ZFHX4: variants seen among roughly 807,000 people sequenced by gnomAD.
The protein encoded by ZFHX4 is zinc finger homeobox 4.
A neutral mutation model predicts 267.6 loss-of-function variants in ZFHX4; 56 were observed. The observed-to-expected ratio is 0.21, with a 90% confidence interval of 0.17 to 0.26. ZFHX4 has a LOEUF of 0.26. ZFHX4 is among the 10% of genes least tolerant of loss of function. The probability of loss-of-function intolerance (pLI) is 1.00; values close to 1 mark genes in which losing one functional copy is unlikely to be tolerated. For synonymous variants in ZFHX4, 1,778 were observed against 1,665.6 expected, an observed-to-expected ratio of 1.07 and a Z score of -1.64; for missense variants, 4,332 against 4,420.0, an observed-to-expected ratio of 0.98 and a Z score of 0.56.
At chr8:76,721,328 A>G (rs919975927) in intron 3 of ZFHX4, among the ~76,000 whole-genome samples, 1 of 152,176 alleles carries the variant, frequency 6.6e-6, no homozygotes, top group African/African-American at 2.4e-5. Flanking sequence ...AAATTGGTAC[A>G]TTTATGACAG....
intron 4 of ZFHX4, among the ~76,000 whole-genome samples, chr8:76,803,813 C>T (rs549380179): frequency 6.6e-6 from 1 of 152,048 alleles, no homozygotes; most frequent in South Asian, 2.1e-4. Flanking sequence ...AAATTAAAAC[C>T]CATTTTGACA....
intron 4 of ZFHX4, among the ~76,000 whole-genome samples, chr8:76,816,148 C>A (rs1202297648): frequency 7.2e-5 from 11 of 152,184 alleles, no homozygotes; most frequent in East Asian, 1.9e-4. Flanking sequence ...AAAGCTAATT[C>A]ATGGTGCAAC....
intron 3 of ZFHX4, among the ~76,000 whole-genome samples, chr8:76,743,520 G>A (rs936964315): frequency 1.3e-5 from 2 of 152,142 alleles, no homozygotes; most frequent in African/African-American, 4.8e-5. Context: ...GTTTTATGAG[G>A]AAACCTTAAA....
chr8:76,840,240 C>G (rs1215860177), intron 5 of ZFHX4, among the ~76,000 whole-genome samples: 2 of 152,090 alleles, frequency 1.3e-5, no homozygotes, highest in Non-Finnish European at 2.9e-5. Flanking sequence ...CAGGCAAATC[C>G]ACCTCTAAAG....
chr8:76,689,395 A>G (rs1380184994), intron 1 of ZFHX4, among the ~76,000 whole-genome samples: 2 of 152,166 alleles, frequency 1.3e-5, no homozygotes, highest in Non-Finnish European at 2.9e-5. Context: ...GTATTCTGAT[A>G]TCAAGATTTT....
chr8:76,708,085 G>A (rs771654855), intron 3 of ZFHX4, 37 bp downstream of exon 3: 12 of 1,608,006 alleles, frequency 7.5e-6, no homozygotes, highest in Non-Finnish European at 1.0e-5. Context: ...GCACAGAGTA[G>A]AAAAGGGAAT....
At chr8:76,803,034 C>T (rs1454273975) in intron 4 of ZFHX4, among the ~76,000 whole-genome samples, 3 of 152,070 alleles carry the variant, frequency 2.0e-5, no homozygotes, top group East Asian at 3.9e-4. Flanking sequence ...GCTCTGAGAC[C>T]GAAAAGTGTG....
chr8:76,847,243 A>AT (rs1812386825), intron 6 of ZFHX4, among the ~76,000 whole-genome samples: 1 of 152,142 alleles, frequency 6.6e-6, no homozygotes, highest in South Asian at 2.1e-4. Context: ...AGAAACATAT[A>AT]TTTTTTGATT....
chr8:76,829,943 G>A (rs1021809739), intron 4 of ZFHX4, among the ~76,000 whole-genome samples: 3 of 152,056 alleles, frequency 2.0e-5, no homozygotes, highest in Admixed American at 2.0e-4. Context: ...AAAAATGAAC[G>A]CTAGAAATAA....
intron 4 of ZFHX4, among the ~76,000 whole-genome samples, chr8:76,798,506 G>A (rs975891257): frequency 2.6e-5 from 4 of 152,138 alleles, no homozygotes; most frequent in Non-Finnish European, 2.9e-5. Flanking sequence ...AATAGCTTGT[G>A]GATAGAATAT....
At chr8:76,819,857 T>C (rs1811603046) in intron 4 of ZFHX4, among the ~76,000 whole-genome samples, 1 of 152,214 alleles carries the variant, frequency 6.6e-6, no homozygotes, top group African/African-American at 2.4e-5. Flanking sequence ...TTTCAACCCT[T>C]GCAAGCAACT....
At chr8:76,713,401 AGAT>A (rs1334291226) in intron 3 of ZFHX4, among the ~76,000 whole-genome samples, 1 of 152,224 alleles carries the variant, frequency 6.6e-6, no homozygotes, top group Non-Finnish European at 1.5e-5. Flanking sequence ...ATGTCAGGAT[AGAT>A]AGAATGATTT....
intron 4 of ZFHX4, among the ~76,000 whole-genome samples, chr8:76,806,806 C>T (rs1021555602): frequency 1.3e-5 from 2 of 151,856 alleles, no homozygotes; most frequent in Non-Finnish European, 2.9e-5. Flanking sequence ...TTATTTCGGT[C>T]CTTGCAAGCC....
At chr8:76,815,336 C>T (rs1483409359) in intron 4 of ZFHX4, among the ~76,000 whole-genome samples, 2 of 152,116 alleles carry the variant, frequency 1.3e-5, no homozygotes, top group African/African-American at 4.8e-5. Flanking sequence ...AGCTTATAAA[C>T]AACAGGTGTT....
chr8:76,777,694 C>G (rs546619200), intron 3 of ZFHX4, among the ~76,000 whole-genome samples: 1 of 152,156 alleles, frequency 6.6e-6, no homozygotes, highest in South Asian at 2.1e-4. Context: ...TTAATTAAAC[C>G]TGAGACCATT....
Position 76,856,198 on chromosome 8 carries a change from A to T in ZFHX4, c.9277A>T (p.Ser3093Cys). 1 of 1,613,984 alleles carries T rather than the reference A, an allele frequency of 6.2e-7. No homozygotes were observed. The highest frequency in any genetic ancestry group is 2.2e-5 in the East Asian group (1 of 44,862). The change falls in exon 10 of 11, where the codon AGC becomes TGC. Residue 3093 changes from serine (S) to cysteine (C), a missense_variant. Ser to Cys is a moderately radical substitution (Grantham distance 112). Around this residue, in one of 7 missense-constraint regions of ZFHX4, gnomAD observed 1,648 missense variants for 1,625.0 expected, o/e 1.01. Coordinates refer to ENST00000651372, the MANE Select transcript of ZFHX4 (RefSeq NM_024721.5). The part of the protein sequence containing the change: ...MMDSSSLHGI[S>C]LPTAYPGLPG... Reference sequence around the variant, plus strand: ...GGACAGCAGTTCTCTCCACGGCATCAGCCTGCCAACAGCCTACCCCGGACT... The same window carrying T: ...GGACAGCAGTTCTCTCCACGGCATCTGCCTGCCAACAGCCTACCCCGGACT...
intron 3 of ZFHX4, among the ~76,000 whole-genome samples, chr8:76,748,037 CTG>C (rs1809509020): frequency 6.6e-6 from 1 of 152,328 alleles, no homozygotes; most frequent in South Asian, 2.1e-4. Flanking sequence ...ACTCAACATT[CTG>C]TCTTTGATTT....
intron 6 of ZFHX4, among the ~76,000 whole-genome samples, chr8:76,847,690 A>T (rs1410181696): frequency 1.3e-5 from 2 of 152,142 alleles, no homozygotes; most frequent in African/African-American, 4.8e-5. Context: ...GAAATTACTT[A>T]TAAGGTATAA....
chr8:76,762,179 C>T (rs573097003), intron 3 of ZFHX4, among the ~76,000 whole-genome samples: 1 of 152,168 alleles, frequency 6.6e-6, no homozygotes, highest in East Asian at 1.9e-4. Flanking sequence ...AGTTTCTGGT[C>T]CAGGACACCC....
Sources: allele counts gnomAD v4.1 joint callset (sites outside exome capture counted in the v4.1 genomes callset), GRCh38; gene constraint gnomAD v4.1.1; regional missense constraint gnomAD v4.1.1; transcripts MANE v1.5; gene names NCBI Gene and HGNC (gene_info 2026-07-23, HGNC 2026-07-21).